CFAP47: variants seen among roughly 807,000 people sequenced by gnomAD.
CFAP47 encodes the protein cilia and flagella associated protein 47.
In CFAP47, 29 loss-of-function variants were observed where a neutral mutation model predicts 148.1. The observed-to-expected ratio is 0.20, with a 90% CI of 0.15 to 0.27. The LOEUF (loss-of-function observed/expected upper bound fraction) is 0.27. Among genes scored for constraint, CFAP47 ranks in the 10% least tolerant of loss-of-function variants. The pLI is 1.00. For missense variants in CFAP47, 1,872 were observed against 1,697.5 expected (o/e 1.10, Z -1.81); for synonymous variants, 664 against 577.3 (o/e 1.15, Z -2.15).
At chrX:36,246,403 G>C (rs1237493096) in intron 48 of CFAP47, among the ~76,000 whole-genome samples, 1 of 111,744 alleles carries the variant, frequency 8.9e-6, no homozygotes, top group Non-Finnish European at 1.9e-5. Context: ...ACTGCCCAAG[G>C]CTGGGTAATT....
At chrX:36,123,793 ACTGT>A (rs749376119) in intron 33 of CFAP47, among the ~76,000 whole-genome samples, 27 of 111,253 alleles carry the variant, frequency 2.4e-4, no homozygotes, top group Non-Finnish European at 4.9e-4. Flanking sequence ...TGGTCATGCT[ACTGT>A]CTAAGGTGCA....
At chrX:35,933,669 A>G (rs1349215376) in intron 2 of CFAP47, among the ~76,000 whole-genome samples, 4 of 112,042 alleles carry the variant, frequency 3.6e-5, no homozygotes, top group African/African-American at 1.3e-4. Context: ...TTGTGGTTGT[A>G]CTAATTTACA....
chrX:36,182,562 G>T (rs1416810888), intron 40 of CFAP47, among the ~76,000 whole-genome samples: 1 of 111,465 alleles, frequency 9.0e-6, no homozygotes, highest in Non-Finnish European at 1.9e-5. Context: ...TGTTTATCTT[G>T]AAGAGATTTC....
chrX:36,078,396 G>A (rs1054065036), intron 29 of CFAP47, among the ~76,000 whole-genome samples: 1 of 111,391 alleles, frequency 9.0e-6, no homozygotes, highest in South Asian at 3.8e-4. Flanking sequence ...CCTGTATTGG[G>A]TGCATATATA....
intron 57 of CFAP47, among the ~76,000 whole-genome samples, chrX:36,326,062 A>G (rs782774223): frequency 1.8e-5 from 2 of 110,488 alleles, no homozygotes; most frequent in Admixed American, 9.7e-5. Context: ...TTTTTGTGCT[A>G]TTTTTCTCCC....
At chrX:36,314,456 G>A (rs1431809933) in intron 56 of CFAP47, among the ~76,000 whole-genome samples, 5 of 111,294 alleles carry the variant, frequency 4.5e-5, no homozygotes, top group Admixed American at 2.9e-4. Context: ...AAAAACAGCC[G>A]ATTGGTTACA....
At chrX:35,937,483 C>T (rs1466200072) in intron 2 of CFAP47, among the ~76,000 whole-genome samples, 2 of 110,121 alleles carry the variant, frequency 1.8e-5, no homozygotes, top group Admixed American at 9.8e-5. Context: ...TTTTCACCAC[C>T]TTTCATCATT....
rs145065748 is a variant in CFAP47, at chrX:36,319,236, T to C, written c.8372T>C (p.Met2791Thr). Residue 2791 changes from methionine to threonine, a missense_variant, in exon 57 of 64, where the codon ATG becomes ACG. Physicochemically the swap from Met to Thr is moderately conservative, Grantham distance 81. Coordinates refer to ENST00000378653, the MANE Select transcript of CFAP47 (RefSeq NM_001304548.2). Reference protein sequence around the residue: ...TSVEHPRNLVMDHCWDSFIYE... With the variant: ...TSVEHPRNLVTDHCWDSFIYE... ...GTGGAACATCCCAGGAATCTTGTCA[T>C]GGATCATTGCTGGGATAGCTTCATC... 7,175 of 1,123,515 alleles carry C rather than the reference T, an allele frequency of 6.4e-3. 281 individuals carry two copies. In the Admixed American group the frequency reaches 0.097, roughly 15 times the overall value. 92.6% of individuals were successfully genotyped at this position (1,123,515 alleles called of 1,213,427 possible).
intron 35 of CFAP47, among the ~76,000 whole-genome samples, chrX:36,142,137 T>G (rs1335787161): frequency 8.9e-6 from 1 of 112,112 alleles, no homozygotes; most frequent in Non-Finnish European, 1.9e-5. Context: ...TATATCATTA[T>G]GTACTGCTAA....
At position 35,966,284 on chromosome X, in the gene CFAP47, T is replaced by A. The variant is rs897680289; in HGVS notation, c.1411-281T>A. ...CTGCTAATATTTAAGAAATATTAGC[T>A]GCTAATATTTAAGAAATATTAGCTG... On this transcript the variant is annotated intron_variant, in intron 8 of 63. Coordinates refer to ENST00000378653, the MANE Select transcript of CFAP47 (RefSeq NM_001304548.2). Among the ~76,000 whole-genome samples, 255 of 109,573 alleles carry A rather than the reference T, an allele frequency of 2.3e-3. 1 individual carries two copies. The highest frequency in any genetic ancestry group is 0.011 in the Admixed American group (112 of 10,010).
At chrX:36,140,880 A>G (rs1006009788) in intron 35 of CFAP47, among the ~76,000 whole-genome samples, 2 of 110,973 alleles carry the variant, frequency 1.8e-5, no homozygotes, top group Admixed American at 1.9e-4. Context: ...CATGATTTTT[A>G]TTTGAAGCAA....
intron 49 of CFAP47, among the ~76,000 whole-genome samples, chrX:36,263,457 C>T (rs1308380363): frequency 1.8e-5 from 2 of 112,094 alleles, no homozygotes; most frequent in African/African-American, 6.5e-5. Context: ...GGAAGTTCTC[C>T]ATTTTTATCC....
intron 25 of CFAP47, among the ~76,000 whole-genome samples, chrX:36,045,461 T>C (rs1937454229): frequency 9.0e-6 from 1 of 111,463 alleles, no homozygotes; most frequent in Admixed American, 9.6e-5. Flanking sequence ...TCTCAGAGGG[T>C]CACCCAAGGC....
intron 63 of CFAP47, among the ~76,000 whole-genome samples, chrX:36,383,345 C>T (rs1048360019): frequency 8.9e-6 from 1 of 111,805 alleles, no homozygotes; most frequent in Non-Finnish European, 1.9e-5. Flanking sequence ...ATAGCTTACT[C>T]ATGTATACCC....
chrX:36,033,475 A>T (rs1937304343), intron 23 of CFAP47, among the ~76,000 whole-genome samples: 1 of 112,082 alleles, frequency 8.9e-6, no homozygotes, highest in African/African-American at 3.2e-5. Flanking sequence ...GAAGATAGAT[A>T]GTATTTTGGA....
intron 23 of CFAP47, among the ~76,000 whole-genome samples, chrX:36,033,370 A>G (rs906319242): frequency 1.8e-5 from 2 of 111,977 alleles, no homozygotes; most frequent in Non-Finnish European, 3.8e-5. Context: ...TGACAAAAAT[A>G]TAAAGAAAAA....
intron 55 of CFAP47, among the ~76,000 whole-genome samples, chrX:36,308,060 A>AT (rs1415058699): frequency 9.0e-6 from 1 of 111,074 alleles, no homozygotes; most frequent in African/African-American, 3.3e-5. Context: ...ATTGGGGGCA[A>AT]TTTTTTTGCT....
chrX:36,230,060 G>C (rs1475214612), intron 46 of CFAP47, among the ~76,000 whole-genome samples: 1 of 109,314 alleles, frequency 9.1e-6, no homozygotes, highest in East Asian at 2.9e-4. Context: ...GAACAGTGCC[G>C]CAATAAACAT....
At position 36,085,321 on chromosome X, in the gene CFAP47, T is replaced by C. The variant is rs1938061429; in HGVS notation, c.4699T>C (p.Tyr1567His). ...TAAGTCTTTTTCTCATAGGGATGTA[T>C]ATAAAATGCAATTCTACTCATCAAC... ...SIPETIRRDV[Y>H]KMQFYSSTSP... is the part of the protein sequence containing the mutation. Residue 1567 changes from tyrosine to histidine, a missense_variant, in exon 30 of 64, where the codon TAT (tyrosine) becomes CAT (histidine). Tyr to His is a moderately conservative substitution (Grantham distance 83). Coordinates refer to ENST00000378653, the MANE Select transcript of CFAP47 (RefSeq NM_001304548.2). 11 of 1,177,146 alleles carry C rather than the reference T, an allele frequency of 9.3e-6. No homozygotes were observed. The highest frequency in any genetic ancestry group is 1.3e-5 in the Non-Finnish European group (11 of 865,386).
Sources: allele counts gnomAD v4.1 joint callset (sites outside exome capture counted in the v4.1 genomes callset), GRCh38; gene constraint gnomAD v4.1.1; transcripts MANE v1.5; gene names NCBI Gene and HGNC (gene_info 2026-07-23, HGNC 2026-07-21).